The following CTNNA3 variants were observed in gnomAD, a reference collection of about 807,000 sequenced individuals.
CTNNA3 encodes catenin alpha-3.
Under a neutral mutation model 95.7 loss-of-function variants are expected in CTNNA3, and 76 were observed. That is an observed-to-expected ratio of 0.79 (90% confidence interval 0.66 to 0.96). The LOEUF (loss-of-function observed/expected upper bound fraction) is 0.96. CTNNA3 is among the 40% of genes least tolerant of loss of function. The pLI is 0.00. For missense variants in CTNNA3, 1,191 were observed against 1,089.8 expected (o/e 1.09, Z -1.31); for synonymous variants, 431 against 374.4 (o/e 1.15, Z -1.74).
chr10:66,658,576 G>A (rs1846148752), intron 9 of CTNNA3, among the ~76,000 whole-genome samples: 1 of 152,172 alleles, frequency 6.6e-6, no homozygotes, highest in African/African-American at 2.4e-5. Context: ...CTACCGTTAA[G>A]TGCCAGCATT....
intron 7 of CTNNA3, among the ~76,000 whole-genome samples, chr10:67,178,312 G>C (rs1303120532): frequency 1.3e-5 from 2 of 151,904 alleles, no homozygotes; most frequent in Non-Finnish European, 2.9e-5. Context: ...CCTTTCATAG[G>C]TCATAGTCTC....
rs1228393 is a variant in CTNNA3, at chr10:66,043,996, T to G, written c.2159+25312A>C. 8.7e-3 allele frequency among the ~76,000 whole-genome samples: 612 copies of G among 70,212 alleles called. 1 individual carries two copies. Among genetic ancestry groups the G allele is most frequent in the African/African-American group, 0.016 (380 of 23,398 alleles). 46.1% of individuals were successfully genotyped at this position (70,212 alleles called of 152,430 possible). ...TGTGTGTGTGTGTGTGTGTGTGTGT[T>G]TGTGTGTGTCTGTGTTTGAGATGGA... On this transcript the variant is annotated intron_variant, in intron 15 of 17. Coordinates refer to ENST00000433211, the MANE Select transcript of CTNNA3 (RefSeq NM_013266.4).
intron 14 of CTNNA3, among the ~76,000 whole-genome samples, chr10:66,083,077 A>G (rs1024942524): frequency 6.6e-6 from 1 of 152,114 alleles, no homozygotes; most frequent in African/African-American, 2.4e-5. Context: ...TGAGGAGTAA[A>G]AAGAAGTGAG....
chr10:67,514,809 A>G (rs772389272), intron 5 of CTNNA3, among the ~76,000 whole-genome samples: 2 of 151,950 alleles, frequency 1.3e-5, no homozygotes, highest in Non-Finnish European at 2.9e-5. Flanking sequence ...GTTTCAATAA[A>G]CATTCCCCAC....
chr10:66,036,231 A>G (rs546338111), intron 15 of CTNNA3, among the ~76,000 whole-genome samples: 2 of 152,286 alleles, frequency 1.3e-5, no homozygotes, highest in South Asian at 2.1e-4. Context: ...TTAACCTAGT[A>G]TTTTCTCAAA....
intron 5 of CTNNA3, among the ~76,000 whole-genome samples, chr10:67,292,980 T>A (rs11814100): frequency 1.3e-5 from 2 of 151,828 alleles, no homozygotes; most frequent in Non-Finnish European, 2.9e-5. Flanking sequence ...AAATAAACCA[T>A]TCTAGTTTAG....
At chr10:67,726,428 A>AG (rs1841220459) in intron 1 of CTNNA3, among the ~76,000 whole-genome samples, 1 of 5,380 alleles carries the variant, frequency 1.9e-4, no homozygotes, top group Non-Finnish European at 3.4e-4. Flanking sequence ...ATTATATATT[A>AG]TATCATATAT....
At chr10:67,600,020 T>C (rs896282837) in intron 3 of CTNNA3, among the ~76,000 whole-genome samples, 2 of 152,130 alleles carry the variant, frequency 1.3e-5, no homozygotes, top group African/African-American at 2.4e-5. Flanking sequence ...TTCATATTCA[T>C]GTAAGAGCAC....
At chr10:67,703,432 C>G (rs542074725) in intron 1 of CTNNA3, among the ~76,000 whole-genome samples, 3 of 152,092 alleles carry the variant, frequency 2.0e-5, no homozygotes, top group African/African-American at 7.2e-5. Context: ...CCACCATGAT[C>G]AAGTGGGCTT....
At chr10:67,385,446 C>T (rs1844116372) in intron 5 of CTNNA3, among the ~76,000 whole-genome samples, 1 of 152,052 alleles carries the variant, frequency 6.6e-6, no homozygotes, top group Non-Finnish European at 1.5e-5. Context: ...TTTGAGGTGC[C>T]CCTAATCTCT....
At chr10:66,549,226 CCT>C (rs1842139083) in intron 10 of CTNNA3, among the ~76,000 whole-genome samples, 1 of 151,990 alleles carries the variant, frequency 6.6e-6, no homozygotes, top group South Asian at 2.1e-4. Flanking sequence ...CATCTCCTGA[CCT>C]CGTGATCTGC....
chr10:67,606,672 C>A (rs946408882), intron 3 of CTNNA3, among the ~76,000 whole-genome samples, 185 bp downstream of exon 3: 3 of 152,110 alleles, frequency 2.0e-5, no homozygotes, highest in African/African-American at 7.2e-5. Flanking sequence ...AAAGAAGAGC[C>A]TGGAGTGGGA....
intron 1 of CTNNA3, among the ~76,000 whole-genome samples, chr10:67,755,990 A>C (rs1369902251): frequency 6.6e-6 from 1 of 152,198 alleles, no homozygotes; most frequent in East Asian, 1.9e-4. Flanking sequence ...ATAAAAAAGA[A>C]TGAAATCCTC....
In CTNNA3 at chr10:67,345,286, C is replaced by T. The variant is rs145866277; in HGVS notation, c.580-125416G>A. Among the ~76,000 whole-genome samples the T allele has an allele frequency of 9.8e-3, 1,492 of 152,126 alleles. 14 individuals carry two copies. The highest frequency in any genetic ancestry group is 0.017 in the Non-Finnish European group (1,142 of 67,938). On this transcript the variant is annotated intron_variant, in intron 5 of 17. Coordinates refer to ENST00000433211, the MANE Select transcript of CTNNA3 (RefSeq NM_013266.4). Reference sequence around the variant, plus strand: ...ATGGTCTATCCTTGAGAATAATCCACGTGCTGAAGGAAAGAATGTGTATTC... The same window carrying T: ...ATGGTCTATCCTTGAGAATAATCCATGTGCTGAAGGAAAGAATGTGTATTC...
intron 17 of CTNNA3, among the ~76,000 whole-genome samples, chr10:65,957,224 T>A (rs919123548): frequency 2.6e-5 from 4 of 152,204 alleles, no homozygotes; most frequent in African/African-American, 9.7e-5. Flanking sequence ...CTGCCTTTTT[T>A]TGTTTTCCAT....
rs376072344 is a variant in CTNNA3, at chr10:67,388,119, G to A, written c.579+133723C>T. Among the ~76,000 whole-genome samples the A allele has an allele frequency of 3.8e-3, 553 of 143,738 alleles. 4 individuals are homozygous for A. Among genetic ancestry groups the A allele is most frequent in the African/African-American group, 0.014 (526 of 38,408 alleles). The allele number at this position is 143,738 out of a possible 152,430, so 94.3% of individuals were successfully genotyped here. A position where few individuals can be genotyped will look rare whatever the true frequency, so the allele number is the denominator to read the frequency against. ...AGACGATCAAATTACTCTGAGCTACGGGAGGACATTCAAACCAAAGGCAAA... is the reference window on the plus strand; with the variant it reads ...AGACGATCAAATTACTCTGAGCTACAGGAGGACATTCAAACCAAAGGCAAA... On this transcript the variant is annotated intron_variant, in intron 5 of 17. Transcript: ENST00000433211.
At chr10:67,601,475 G>A (rs2133368772) in intron 3 of CTNNA3, among the ~76,000 whole-genome samples, 1 of 152,252 alleles carries the variant, frequency 6.6e-6, no homozygotes, top group Non-Finnish European at 1.5e-5. Context: ...TCACTTGCCT[G>A]CCACTCACCT....
intron 17 of CTNNA3, among the ~76,000 whole-genome samples, chr10:65,953,494 T>A (rs2077663019): frequency 6.6e-6 from 1 of 152,130 alleles, no homozygotes; most frequent in Admixed American, 6.5e-5. Flanking sequence ...CATTAACTCA[T>A]CATTTACATT....
chr10:66,109,255 G>A (rs1276926488), intron 13 of CTNNA3, among the ~76,000 whole-genome samples: 1 of 152,180 alleles, frequency 6.6e-6, no homozygotes, highest in Non-Finnish European at 1.5e-5. Flanking sequence ...GACAGGGTCG[G>A]TGAGACTCCC....
Sources: allele counts gnomAD v4.1 joint callset (sites outside exome capture counted in the v4.1 genomes callset), GRCh38; gene constraint gnomAD v4.1.1; transcripts MANE v1.5; gene names NCBI Gene and HGNC (gene_info 2026-07-23, HGNC 2026-07-21).